Variants in ANKRD45 observed in about 807,000 individuals in gnomAD.
ANKRD45 encodes ankyrin repeat domain 45.
A neutral mutation model predicts 28.1 loss-of-function variants in ANKRD45; 21 were observed. The ratio of observed to expected loss-of-function variants is 0.75; its 90% CI spans 0.53 to 1.08. ANKRD45 has a LOEUF of 1.08. ANKRD45 is among the 50% of genes least tolerant of loss of function. The pLI is 0.00. For synonymous variants in ANKRD45, 86 were observed against 103.9 expected, an observed-to-expected ratio of 0.83 and a Z score of 1.05; for missense variants, 261 against 308.7, an observed-to-expected ratio of 0.85 and a Z score of 1.16.
At chr1:173,695,016 T>A in the ANKRD45 span, among the ~76,000 whole-genome samples, 2,527 of 152,300 alleles carry the variant, frequency 0.017, 36 homozygotes, top group Non-Finnish European at 0.025. Flanking sequence ...GAATGAAATA[T>A]TACTGGTAAA....
chr1:173,702,458 T>C, the ANKRD45 span, among the ~76,000 whole-genome samples: 1 of 152,110 alleles, frequency 6.6e-6, no homozygotes, highest in African/African-American at 2.4e-5. Context: ...TGAGTGTTTA[T>C]AAGGAGAAGA....
the ANKRD45 span, among the ~76,000 whole-genome samples, chr1:173,685,438 A>G: frequency 6.6e-6 from 1 of 152,212 alleles, no homozygotes; most frequent in African/African-American, 2.4e-5. Flanking sequence ...AAGAGCTACC[A>G]TAAAGCCCAT....
the ANKRD45 span, among the ~76,000 whole-genome samples, chr1:173,682,478 C>G: frequency 2.0e-5 from 3 of 152,070 alleles, no homozygotes; most frequent in African/African-American, 7.2e-5. Flanking sequence ...GAGTCTGGCA[C>G]CTTCATTTTC....
intron 3 of ANKRD45, among the ~76,000 whole-genome samples, chr1:173,630,914 A>G (rs890786537): frequency 2.6e-5 from 4 of 151,336 alleles, no homozygotes; most frequent in Admixed American, 1.3e-4. Flanking sequence ...AAGAAGGAAG[A>G]TAAGACCACA....
At chr1:173,702,714 CCT>C in the ANKRD45 span, among the ~76,000 whole-genome samples, 2 of 145,318 alleles carry the variant, frequency 1.4e-5, no homozygotes, top group Non-Finnish European at 3.0e-5. Flanking sequence ...CATTCTGTGT[CCT>C]CTTTTTTTTT....
At position 173,608,798 on chromosome 1, in the gene ANKRD45, A is replaced by C. The variant is rs1317336836; in HGVS notation, c.*1347T>G. ...GAGAGAGAGAGATAAGAGAGGAAGA[A>C]GAAGGAGTTGGAGAGGGAAGAGGAG... is the stretch of plus-strand genomic sequence containing the variant. On this transcript the variant is annotated 3_prime_UTR_variant, in exon 6 of 6. Transcript: ENST00000333279. 2.2e-5 allele frequency among the ~76,000 whole-genome samples: 3 copies of C among 138,814 alleles called. No individual in the cohort carries two copies. Among genetic ancestry groups the C allele is most frequent in the Non-Finnish European group, 3.1e-5 (2 of 64,436 alleles). The allele number at this position is 138,814 out of a possible 152,430, so 91.1% of individuals were successfully genotyped here.
chr1:173,672,440 T>G (rs1670287873), upstream of ANKRD45, among the ~76,000 whole-genome samples: 1 of 152,226 alleles, frequency 6.6e-6, no homozygotes, highest in African/African-American at 2.4e-5. Context: ...TTATGATGCA[T>G]AACTGTACAA....
intron 2 of ANKRD45, chr1:173,657,914 T>C (rs1180602735): frequency 6.6e-6 from 1 of 152,144 alleles, no homozygotes; most frequent in Admixed American, 6.5e-5. Flanking sequence ...AATATATGTA[T>C]TATACTAGAA....
intron 3 of ANKRD45, among the ~76,000 whole-genome samples, chr1:173,644,810 T>C (rs914794820): frequency 2.6e-5 from 4 of 152,170 alleles, no homozygotes; most frequent in Admixed American, 2.0e-4. Context: ...CTGACCAACA[T>C]GGTGAAACCC....
At chr1:173,649,119 TTATC>T (rs1669061860) in intron 2 of ANKRD45, among the ~76,000 whole-genome samples, 1 of 152,182 alleles carries the variant, frequency 6.6e-6, no homozygotes, top group South Asian at 2.1e-4. Flanking sequence ...TGAAAACAAT[TTATC>T]TACCCTTCTA....
chr1:173,622,084 A>G (rs1413428487), intron 5 of ANKRD45, among the ~76,000 whole-genome samples: 1 of 152,082 alleles, frequency 6.6e-6, no homozygotes, highest in Admixed American at 6.5e-5. Flanking sequence ...AAAATACATA[A>G]AAATACAGCA....
At chr1:173,639,688 T>C (rs1419871176) in intron 3 of ANKRD45, among the ~76,000 whole-genome samples, 1 of 152,236 alleles carries the variant, frequency 6.6e-6, no homozygotes, top group East Asian at 1.9e-4. Context: ...GATCCAGGAC[T>C]AAGGCCATTC....
chr1:173,639,160 A>T (rs1448836936), intron 3 of ANKRD45, among the ~76,000 whole-genome samples: 1 of 152,204 alleles, frequency 6.6e-6, no homozygotes, highest in South Asian at 2.1e-4. Context: ...TGGCACATAC[A>T]GTTAGAAAAA....
At position 173,610,138 on chromosome 1, in the gene ANKRD45, C is replaced by T. The variant is rs201879552; in HGVS notation, c.*7G>A. On this transcript the variant is annotated 3_prime_UTR_variant, in exon 6 of 6. Coordinates refer to ENST00000333279, the MANE Select transcript of ANKRD45 (RefSeq NM_198493.3). Reference sequence around the variant, plus strand: ...AAAGAAAATGTGGCCTTTTACAGAACGTATGTTCAGTTGGAGGTATCATCT... The same window carrying T: ...AAAGAAAATGTGGCCTTTTACAGAATGTATGTTCAGTTGGAGGTATCATCT... The T allele has an allele frequency of 3.1e-4, 505 of 1,613,512 alleles. 3 individuals are homozygous for T. In the African/African-American group the frequency reaches 5.5e-3, roughly 18 times the overall value.
intron 3 of ANKRD45, among the ~76,000 whole-genome samples, chr1:173,627,856 G>A (rs1313193800): frequency 6.6e-6 from 1 of 151,608 alleles, no homozygotes; most frequent in East Asian, 2.0e-4. Flanking sequence ...TACAGCTCTG[G>A]GAGAGACTCC....
chr1:173,709,578 A>C, the ANKRD45 span, among the ~76,000 whole-genome samples: 1 of 152,098 alleles, frequency 6.6e-6, no homozygotes, highest in Non-Finnish European at 1.5e-5. Flanking sequence ...TAAAGGCTGC[A>C]CACCACACTT....
intron 5 of ANKRD45, among the ~76,000 whole-genome samples, chr1:173,616,011 G>T (rs1571684362): frequency 6.6e-6 from 1 of 152,062 alleles, no homozygotes; most frequent in East Asian, 1.9e-4. Flanking sequence ...GCTGAGCCAG[G>T]AGAATGGCAT....
At chr1:173,636,464 T>G (rs950598172) in intron 3 of ANKRD45, among the ~76,000 whole-genome samples, 1 of 152,218 alleles carries the variant, frequency 6.6e-6, no homozygotes, top group Non-Finnish European at 1.5e-5. Flanking sequence ...TATAAATGTT[T>G]TCTTATTTTT....
At chr1:173,697,356 A>C in the ANKRD45 span, among the ~76,000 whole-genome samples, 1 of 152,216 alleles carries the variant, frequency 6.6e-6, no homozygotes, top group Admixed American at 6.5e-5. Flanking sequence ...CCCAAGACAC[A>C]TAATTGTCAG....
Sources: gnomAD v4.1 joint callset for allele counts (sites outside exome capture counted in the v4.1 genomes callset) on GRCh38, gnomAD v4.1.1 for gene constraint, MANE v1.5 for transcripts, NCBI Gene and HGNC (gene_info 2026-07-23, HGNC 2026-07-21) for gene names.